The following SPG7 variants were observed in gnomAD, a reference collection of about 807,000 sequenced individuals.
The protein encoded by SPG7 is mitochondrial inner membrane m-AAA protease component paraplegin.
A neutral mutation model predicts 81.9 loss-of-function variants in SPG7; 103 were observed. The ratio of observed to expected loss-of-function variants is 1.26; its 90% confidence interval spans 1.07 to 1.48. The LOEUF is 1.48. SPG7 is among the 40% of genes most tolerant of loss of function. SPG7 has a pLI of 0.00. For missense variants in SPG7, 1,241 were observed against 1,087.3 expected (o/e 1.14, Z -1.99); for synonymous variants, 534 against 444.2 (o/e 1.20, Z -2.54).
chr16:89,516,732 G>C (rs993708293), intron 3 of SPG7: 3 of 151,872 alleles, frequency 2.0e-5, no homozygotes, highest in Middle Eastern at 6.8e-3. Flanking sequence ...AGGCGTGGTG[G>C]TGGGCACCTG....
intron 6 of SPG7, 133 bp from the exon 7 acceptor site, chr16:89,530,550 A>T (rs1189023982): frequency 1.3e-5 from 13 of 964,768 alleles, no homozygotes; most frequent in African/African-American, 4.8e-5. Flanking sequence ...TCAGCCTGAC[A>T]TGAGTGAAGC....
Position 89,529,669 on chromosome 16 carries a change from GA to G in SPG7, c.861+94del. The G allele has an allele frequency of 3.1e-6, 3 of 962,662 alleles. No homozygotes were observed. The East Asian group carries it at 7.8e-5, about 25-fold the overall frequency. The allele number at this position is 962,662 out of a possible 1,614,324, so 59.6% of individuals were successfully genotyped here. A position where few individuals can be genotyped will look rare whatever the true frequency, so the allele number is the denominator to read the frequency against. Reference sequence around the variant, plus strand: ...ATAAGCTATACGATGAATACACAGGGAAAACCTGTTGCAGAGAGTAGCCTGA... The same window carrying G: ...ATAAGCTATACGATGAATACACAGGGAAACCTGTTGCAGAGAGTAGCCTGA... On this transcript the variant is annotated intron_variant, in intron 6 of 16. Coordinates refer to ENST00000645818, the MANE Select transcript of SPG7 (RefSeq NM_003119.4).
At chr16:89,549,897 A>G in intron 12 of SPG7, 1 of 174,738 alleles carries the variant, frequency 5.7e-6, no homozygotes, top group Non-Finnish European at 1.2e-5. Context: ...CACCCCCCCA[A>G]CCATGGGGCA....
rs1407994278 is a variant in SPG7, at chr16:89,554,516, A to G, written c.2134A>G (p.Arg712Gly). The stretch of plus-strand genomic sequence containing the variant: ...AAGACTGCTGGTGGCCAAGGCCTAC[A>G]GACACACCGAGAAGGTGCTGCAGGA... Reference protein sequence around the residue: ...EARLLVAKAYRHTEKVLQDNL... With the variant: ...EARLLVAKAYGHTEKVLQDNL... The change falls in exon 16 of 17, where the codon AGA becomes GGA. Residue 712 changes from arginine to glycine, a missense_variant. Physicochemically the swap from Arg to Gly is moderately radical, Grantham distance 125 (BLOSUM62 -2). Transcript: ENST00000645818. The G allele has an allele frequency of 6.2e-7, 1 of 1,609,560 alleles. No individual in the cohort carries two copies.
At chr16:89,509,819 C>G (rs1390712467) in intron 1 of SPG7, among the ~76,000 whole-genome samples, 2 of 137,002 alleles carry the variant, frequency 1.5e-5, no homozygotes, top group African/African-American at 5.5e-5. Flanking sequence ...GTGACAATCT[C>G]GCTGTGTCGC....
chr16:89,557,377 C>CA lies in SPG7; in HGVS notation c.*285dup, dbSNP rs1455622605. On this transcript the variant is annotated 3_prime_UTR_variant, in exon 17 of 17. Coordinates refer to ENST00000645818, the MANE Select transcript of SPG7 (RefSeq NM_003119.4). ...CACTTCGAGTTCCCAGGGTTATAGA[C>CA]AGTCGTTCCCAGTGTGGCTGAGGCC... 4 of 462,014 alleles carry CA rather than the reference C, an allele frequency of 8.7e-6. No individual in the cohort carries two copies. Among genetic ancestry groups the CA allele is most frequent in the Non-Finnish European group, 1.6e-5 (4 of 251,384 alleles). The allele number at this position is 462,014 out of a possible 1,614,324, so 28.6% of individuals were successfully genotyped here. A position where few individuals can be genotyped will look rare whatever the true frequency, so the allele number is the denominator to read the frequency against.
chr16:89,530,863 C>T, intron 7 of SPG7, 55 bp downstream of exon 7: 1 of 1,611,086 alleles, frequency 6.2e-7, no homozygotes, highest in Non-Finnish European at 8.5e-7. Flanking sequence ...CCGTCCTCCT[C>T]TCCCAGAAGG....
At chr16:89,556,624 T>C (rs1022245156) in intron 16 of SPG7, 10 of 500,260 alleles carry the variant, frequency 2.0e-5, no homozygotes, top group Non-Finnish European at 3.6e-5. Flanking sequence ...GTGAAAGAAA[T>C]TGCAGTTGCC....
chr16:89,508,955 A>G (rs1463856601), intron 1 of SPG7: 1 of 505,412 alleles, frequency 2.0e-6, no homozygotes, highest in South Asian at 1.5e-5. Flanking sequence ...CTGTGGATCG[A>G]TTCCGTCACC....
rs863224218 is a variant in SPG7 at position 89,524,041 on chromosome 16, T to A, written c.412T>A (p.Tyr138Asn). ...ACGCCGTGAGCGGGACGACCAGATG[T>A]ACCGAGAGCGGCTGCGCACCTTGCT... is the stretch of plus-strand genomic sequence containing the variant. The part of the protein sequence containing the change: ...RRRRERDDQM[Y>N]RERLRTLLVI... The change falls in exon 4 of 17, where the codon TAC becomes AAC. Residue 138 changes from tyrosine (Y) to asparagine (N), a missense_variant. Tyr to Asn is a moderately radical substitution (Grantham distance 143). Coordinates refer to ENST00000645818, the MANE Select transcript of SPG7 (RefSeq NM_003119.4). 1 of 1,613,548 alleles carries A rather than the reference T, an allele frequency of 6.2e-7. No individual in the cohort carries two copies. Among genetic ancestry groups the A allele is most frequent in the Non-Finnish European group, 8.5e-7 (1 of 1,180,030 alleles).
chr16:89,523,706 G>C (rs2058221845), intron 3 of SPG7: 3 of 510,378 alleles, frequency 5.9e-6, no homozygotes, highest in South Asian at 4.6e-5. Flanking sequence ...GGGACCACAG[G>C]CGTGCACCGT....
intron 9 of SPG7, chr16:89,536,795 G>A: frequency 6.2e-7 from 1 of 1,614,090 alleles, no homozygotes; most frequent in South Asian, 1.1e-5. Context: ...CCCTCCCAGG[G>A]GACCATGAGG....
intron 12 of SPG7, 87 bp downstream of exon 12, chr16:89,548,200 G>C (rs964420960): frequency 1.1e-5 from 10 of 899,110 alleles, no homozygotes; most frequent in Non-Finnish European, 1.8e-5. Flanking sequence ...AGGTGAGGTG[G>C]ATGGAACCAT....
chr16:89,509,503 C>T (rs1267283001), intron 1 of SPG7, among the ~76,000 whole-genome samples: 1 of 152,202 alleles, frequency 6.6e-6, no homozygotes, highest in Non-Finnish European at 1.5e-5. Context: ...CCTGCCTCGG[C>T]CTCCCAAAGT....
chr16:89,527,831 A>T (rs1322664118), intron 5 of SPG7, among the ~76,000 whole-genome samples: 1 of 151,926 alleles, frequency 6.6e-6, no homozygotes, highest in East Asian at 1.9e-4. Context: ...TGCAGTGGCT[A>T]TGCCTGTAAT....
chr16:89,508,428 T>A lies in SPG7; in HGVS notation c.11T>A (p.Leu4Gln). Residue 4 changes from leucine to glutamine, a missense_variant, in exon 1 of 17, where the codon CTG becomes CAG. Transcript: ENST00000645818. Reference sequence around the variant, plus strand: ...GGCTTTCAGGCCAACATGGCCGTGCTGCTGCTGCTGCTCCGTGCCCTCCGC... The same window carrying A: ...GGCTTTCAGGCCAACATGGCCGTGCAGCTGCTGCTGCTCCGTGCCCTCCGC... MAVLLLLLRALRRG... is the reference protein window; with the variant it reads MAVQLLLLRALRRG... 6.7e-7 allele frequency: 1 copy of A among 1,492,058 alleles called. No individual in the cohort carries two copies. Among genetic ancestry groups the A allele is most frequent in the Non-Finnish European group, 8.9e-7 (1 of 1,127,838 alleles). 92.4% of individuals were successfully genotyped at this position (1,492,058 alleles called of 1,614,324 possible).
At chr16:89,556,435 G>A (rs1005671082) in intron 16 of SPG7, 13 of 298,188 alleles carry the variant, frequency 4.4e-5, no homozygotes, top group African/African-American at 2.2e-4. Context: ...CAGGACAGTC[G>A]GTGTCTCAAG....
At chr16:89,509,893 A>C (rs868492595) in intron 1 of SPG7, among the ~76,000 whole-genome samples, 1 of 149,060 alleles carries the variant, frequency 6.7e-6, no homozygotes. Context: ...GGCCCAAGCA[A>C]TCCTCCCACC....
intron 9 of SPG7, among the ~76,000 whole-genome samples, chr16:89,542,744 T>C (rs1276438851): frequency 6.6e-6 from 1 of 151,956 alleles, no homozygotes; most frequent in South Asian, 2.1e-4. Flanking sequence ...CCTAAGAACA[T>C]GGGGTTGCTG....
Sources: gnomAD v4.1 joint callset for allele counts (sites outside exome capture counted in the v4.1 genomes callset) on GRCh38, gnomAD v4.1.1 for gene constraint, MANE v1.5 for transcripts, NCBI Gene and HGNC (gene_info 2026-07-23, HGNC 2026-07-21) for gene names.